Variants in FGGY observed in about 807,000 individuals in gnomAD.
FGGY encodes the protein FGGY carbohydrate kinase domain-containing protein.
In FGGY, 72 loss-of-function variants were observed where a neutral mutation model predicts 71.3. That is an observed-to-expected ratio of 1.01 (90% CI 0.84 to 1.23). The LOEUF is 1.23. FGGY is among the 50% of genes most tolerant of loss of function. FGGY has a pLI of 0.00. For missense variants in FGGY, 668 were observed against 682.3 expected (o/e 0.98, Z 0.23); for synonymous variants, 251 against 250.3 (o/e 1.00, Z -0.02).
In FGGY at chr1:59,734,819, C is replaced by T. The variant is rs1207490871; in HGVS notation, c.1513-23112C>T. Among the ~76,000 whole-genome samples, 7 of 152,298 alleles carry T rather than the reference C, an allele frequency of 4.6e-5. No individual in the cohort carries two copies. The East Asian group carries it at 1.4e-3, about 29-fold the overall frequency. ...TGGTTGTGGGCTCACCTCTGTGGTA[C>T]TGCTCTTCCTCCTGCTTCTGAGCAG... On this transcript the variant is annotated intron_variant, in intron 14 of 15. Coordinates refer to ENST00000303721, the MANE Select transcript of FGGY (RefSeq NM_018291.5).
In FGGY at chr1:59,321,542, G is replaced by A. The variant is rs746682032; in HGVS notation, c.-8G>A. On this transcript the variant is annotated 5_prime_UTR_variant, in exon 2 of 16. Transcript: ENST00000303721. ...TTACACTTGCTTACTATAGGTGGAG[G>A]AACTGCAATGTCTGGTGGAGAACAG... 1.2e-6 allele frequency: 2 copies of A among 1,613,616 alleles called. No homozygotes were observed. The highest frequency in any genetic ancestry group is 2.2e-5 in the East Asian group (1 of 44,878).
chr1:59,492,926 G>T (rs910627167), intron 6 of FGGY, among the ~76,000 whole-genome samples: 1 of 151,954 alleles, frequency 6.6e-6, no homozygotes, highest in Admixed American at 6.6e-5. Flanking sequence ...AAGGCTTCAG[G>T]TTGCTTCAAA....
chr1:59,552,618 C>T (rs2095625731), intron 7 of FGGY, among the ~76,000 whole-genome samples: 1 of 152,162 alleles, frequency 6.6e-6, no homozygotes, highest in Non-Finnish European at 1.5e-5. Flanking sequence ...GACATTCCCA[C>T]CCTGCCGTTT....
intron 6 of FGGY, among the ~76,000 whole-genome samples, chr1:59,510,278 G>A (rs569331919): frequency 2.4e-4 from 37 of 152,082 alleles, no homozygotes; most frequent in Non-Finnish European, 2.1e-4. Flanking sequence ...TCTGTAAAAT[G>A]GGGGTAGTAT....
chr1:59,599,686 CAAAAAAAAAA>C (rs76397509), intron 8 of FGGY, among the ~76,000 whole-genome samples: 1 of 49,428 alleles, frequency 2.0e-5, no homozygotes, highest in African/African-American at 7.0e-5. Context: ...GAGCAAGACT[CAAAAAAAAAA>C]AAAAAAAAAA....
chr1:59,566,898 A>T (rs1427982139), intron 8 of FGGY, among the ~76,000 whole-genome samples: 4 of 152,186 alleles, frequency 2.6e-5, no homozygotes, highest in Non-Finnish European at 4.4e-5. Flanking sequence ...TTTTTAGGTT[A>T]CATTATGGGA....
intron 13 of FGGY, among the ~76,000 whole-genome samples, chr1:59,668,565 G>A (rs142618619): frequency 6.6e-6 from 1 of 152,324 alleles, no homozygotes; most frequent in East Asian, 1.9e-4. Flanking sequence ...TCCTGCAGAT[G>A]AGAGCCTTGT....
chr1:59,622,106 C>T (rs1007405467), intron 9 of FGGY, among the ~76,000 whole-genome samples: 2 of 151,978 alleles, frequency 1.3e-5, no homozygotes, highest in Non-Finnish European at 2.9e-5. Context: ...CTCTTAGGCC[C>T]ATCTACTATA....
chr1:59,300,223 C>CA (rs1256160781), intron 1 of FGGY, among the ~76,000 whole-genome samples: 1 of 152,170 alleles, frequency 6.6e-6, no homozygotes, highest in Admixed American at 6.5e-5. Context: ...TCATGACCAT[C>CA]AAAAGAACAT....
intron 8 of FGGY, among the ~76,000 whole-genome samples, chr1:59,586,946 GACAGTGGGTGCAGC>G (rs1297497291): frequency 2.6e-5 from 4 of 152,238 alleles, no homozygotes; most frequent in African/African-American, 9.6e-5. Context: ...GTGGGCGCAG[GACAGTGGGTGCAGC>G]GCACCGTGCA....
chr1:59,584,199 G>A (rs1482552796), intron 8 of FGGY, among the ~76,000 whole-genome samples: 1 of 146,152 alleles, frequency 6.8e-6, no homozygotes, highest in Non-Finnish European at 1.5e-5. Context: ...AAGCCTGGCA[G>A]AGACACAACA....
At chr1:59,557,330 T>C (rs1414810166) in intron 8 of FGGY, among the ~76,000 whole-genome samples, 1 of 152,156 alleles carries the variant, frequency 6.6e-6, no homozygotes, top group East Asian at 1.9e-4. Context: ...ATGTTTCCAA[T>C]TTAGTAGATT....
chr1:59,473,144 C>A (rs1186400192), intron 6 of FGGY, among the ~76,000 whole-genome samples: 1 of 152,180 alleles, frequency 6.6e-6, no homozygotes, highest in African/African-American at 2.4e-5. Flanking sequence ...ATAAATCTTG[C>A]TGCTGCTCAC....
intron 14 of FGGY, among the ~76,000 whole-genome samples, chr1:59,685,047 A>G (rs990642316): frequency 3.9e-5 from 6 of 152,152 alleles, no homozygotes; most frequent in Non-Finnish European, 8.8e-5. Context: ...GGTCATCTAG[A>G]TGGTTAGTGG....
At chr1:59,517,289 G>A (rs2094687953) in intron 7 of FGGY, among the ~76,000 whole-genome samples, 3 of 119,096 alleles carry the variant, frequency 2.5e-5, no homozygotes, top group African/African-American at 9.6e-5. Flanking sequence ...TTTTTGAGAC[G>A]GAGTCTCGCT....
intron 6 of FGGY, among the ~76,000 whole-genome samples, chr1:59,457,742 AG>A (rs1254141591): frequency 6.6e-6 from 1 of 152,250 alleles, no homozygotes; most frequent in East Asian, 1.9e-4. Flanking sequence ...TTTACAAATT[AG>A]GTTCACAGGA....
chr1:59,682,761 T>G (rs892774762), intron 14 of FGGY, among the ~76,000 whole-genome samples: 3 of 152,204 alleles, frequency 2.0e-5, no homozygotes, highest in African/African-American at 7.2e-5. Flanking sequence ...TCAGAAGCAC[T>G]TGGAGACATT....
chr1:59,674,730 A>C (rs867184633), intron 14 of FGGY, among the ~76,000 whole-genome samples: 1 of 152,220 alleles, frequency 6.6e-6, no homozygotes, highest in African/African-American at 2.4e-5. Flanking sequence ...AAAAGAGGAA[A>C]CATACTAGTT....
intron 6 of FGGY, among the ~76,000 whole-genome samples, chr1:59,486,858 A>G (rs934772147): frequency 8.5e-5 from 13 of 152,324 alleles, no homozygotes; most frequent in African/African-American, 2.6e-4. Context: ...TGAGGGAGCT[A>G]TCTCCACAGT....
Sources: allele counts gnomAD v4.1 joint callset (sites outside exome capture counted in the v4.1 genomes callset), GRCh38; gene constraint gnomAD v4.1.1; transcripts MANE v1.5; gene names NCBI Gene and HGNC (gene_info 2026-07-23, HGNC 2026-07-21).